Variants in CDH12 observed in about 807,000 individuals in gnomAD.
The protein encoded by CDH12 is cadherin 12.
CDH12 carries 41 observed loss-of-function variants against 74.1 expected under a neutral mutation model. The ratio of observed to expected loss-of-function variants is 0.55; its 90% CI spans 0.43 to 0.72. The LOEUF is 0.72. Among genes scored for constraint, CDH12 ranks in the 30% least tolerant of loss-of-function variants. The pLI is 0.00. For synonymous variants in CDH12, 399 were observed against 355.0 expected (o/e 1.12, Z -1.39); for missense variants, 945 against 977.2 (o/e 0.97, Z 0.44).
chr5:22,626,215 C>T (rs1317949741), intron 1 of CDH12, among the ~76,000 whole-genome samples: 1 of 152,214 alleles, frequency 6.6e-6, no homozygotes, highest in Non-Finnish European at 1.5e-5. Context: ...CTGCCCCATT[C>T]CTGCCAGTGC....
chr5:22,312,334 T>C (rs1252803181), intron 3 of CDH12, among the ~76,000 whole-genome samples: 2 of 152,202 alleles, frequency 1.3e-5, no homozygotes, highest in Non-Finnish European at 2.9e-5. Context: ...AATGTGACTT[T>C]ACAATTATCT....
intron 3 of CDH12, among the ~76,000 whole-genome samples, chr5:22,266,460 A>G (rs1206908555): frequency 6.6e-6 from 1 of 152,164 alleles, no homozygotes; most frequent in African/African-American, 2.4e-5. Flanking sequence ...AGATTCAACT[A>G]TAGATGGCAG....
chr5:22,078,402 T>C, intron 5 of CDH12, 44 bp downstream of exon 5: 1 of 1,549,536 alleles, frequency 6.5e-7, no homozygotes, highest in Non-Finnish European at 8.9e-7. Flanking sequence ...CAATGCATAT[T>C]CCCCCTTCCT....
chr5:22,820,953 A>G (rs1397718620), intron 1 of CDH12, among the ~76,000 whole-genome samples: 1 of 152,120 alleles, frequency 6.6e-6, no homozygotes, highest in Non-Finnish European at 1.5e-5. Flanking sequence ...TTAGACCAAT[A>G]CCCTTGATGA....
chr5:22,678,048 G>C (rs528460997), intron 1 of CDH12, among the ~76,000 whole-genome samples: 2,158 of 151,656 alleles, frequency 0.014, 62 homozygotes, highest in African/African-American at 0.05. Context: ...TCCTCATGGG[G>C]GGGGGGGTTA....
At chr5:21,990,669 T>C (rs1359772493) in intron 5 of CDH12, among the ~76,000 whole-genome samples, 1 of 151,962 alleles carries the variant, frequency 6.6e-6, no homozygotes, top group Non-Finnish European at 1.5e-5. Context: ...AGCTTCTATA[T>C]TTTGCCAGGC....
At chr5:22,560,126 CTT>C (rs904761503) in intron 1 of CDH12, among the ~76,000 whole-genome samples, 147 of 152,222 alleles carry the variant, frequency 9.7e-4, no homozygotes, top group African/African-American at 3.4e-3. Context: ...ATGAAGATGT[CTT>C]TAAAATGATG....
intron 2 of CDH12, among the ~76,000 whole-genome samples, chr5:22,442,499 T>C (rs1010093210): frequency 2.0e-5 from 3 of 152,314 alleles, no homozygotes; most frequent in East Asian, 1.9e-4. Flanking sequence ...TTTCCTTTTA[T>C]GTTTTTACAT....
chr5:22,816,868 C>T (rs1749420035), intron 1 of CDH12, among the ~76,000 whole-genome samples: 1 of 152,110 alleles, frequency 6.6e-6, no homozygotes. Flanking sequence ...ACCAGCATAT[C>T]TTTATGTATT....
intron 1 of CDH12, among the ~76,000 whole-genome samples, chr5:22,635,976 AATATT>A (rs1738821743): frequency 6.6e-6 from 1 of 151,952 alleles, no homozygotes; most frequent in Admixed American, 6.6e-5. Context: ...ATTATACAGT[AATATT>A]ATATAAAATT....
chr5:22,726,813 A>G (rs1744185945), intron 1 of CDH12, among the ~76,000 whole-genome samples: 1 of 151,854 alleles, frequency 6.6e-6, no homozygotes, highest in Admixed American at 6.6e-5. Flanking sequence ...TCAGACCTTC[A>G]TTATAGAAGT....
chr5:22,756,610 A>G lies in CDH12; in HGVS notation c.-523+96448T>C, dbSNP rs539642938. 6.5e-4 allele frequency among the ~76,000 whole-genome samples: 99 copies of G among 152,308 alleles called. 1 individual carries two copies. Among genetic ancestry groups the G allele is most frequent in the African/African-American group, 2.3e-3 (95 of 41,570 alleles). On this transcript the variant is annotated intron_variant, in intron 1 of 14. Coordinates refer to ENST00000382254, the MANE Select transcript of CDH12 (RefSeq NM_004061.5). ...CATAAAATGTGAAAGCCCAAGAAAT[A>G]TAAAGCAAACTCTACTACAAAGCAA...
intron 3 of CDH12, among the ~76,000 whole-genome samples, chr5:22,316,178 A>G (rs1254351267): frequency 2.6e-5 from 4 of 152,014 alleles, no homozygotes; most frequent in South Asian, 2.1e-4. Flanking sequence ...CTATTAAACT[A>G]TCTCCAATAC....
At chr5:22,535,558 A>G (rs1737809403) in intron 1 of CDH12, among the ~76,000 whole-genome samples, 1 of 152,202 alleles carries the variant, frequency 6.6e-6, no homozygotes. Flanking sequence ...TGTATTCTTA[A>G]TATTACTATT....
chr5:22,841,477 A>C (rs1737079184), intron 1 of CDH12, among the ~76,000 whole-genome samples: 1 of 152,184 alleles, frequency 6.6e-6, no homozygotes, highest in Non-Finnish European at 1.5e-5. Flanking sequence ...TGCCAAAAAA[A>C]AGTTGAGTAT....
intron 1 of CDH12, among the ~76,000 whole-genome samples, chr5:22,823,669 G>A (rs1388186045): frequency 6.6e-6 from 1 of 152,048 alleles, no homozygotes; most frequent in African/African-American, 2.4e-5. Context: ...AAGGGACCTG[G>A]CAGGAGGTGA....
chr5:22,713,607 T>C (rs939369798), intron 1 of CDH12, among the ~76,000 whole-genome samples: 1 of 152,032 alleles, frequency 6.6e-6, no homozygotes, highest in Admixed American at 6.6e-5. Context: ...CAATAAATTA[T>C]CGATTAGAGA....
At chr5:21,990,133 A>G (rs1757684808) in intron 5 of CDH12, among the ~76,000 whole-genome samples, 1 of 152,192 alleles carries the variant, frequency 6.6e-6, no homozygotes, top group African/African-American at 2.4e-5. Flanking sequence ...GAAATTAGAC[A>G]CAATCACACC....
intron 1 of CDH12, among the ~76,000 whole-genome samples, chr5:22,764,532 T>C (rs1311030642): frequency 6.6e-6 from 1 of 152,020 alleles, no homozygotes; most frequent in Non-Finnish European, 1.5e-5. Context: ...GGCAAATATA[T>C]AATGAAGAAC....
Sources: allele counts gnomAD v4.1 joint callset (sites outside exome capture counted in the v4.1 genomes callset), GRCh38; gene constraint gnomAD v4.1.1; transcripts MANE v1.5; gene names NCBI Gene and HGNC (gene_info 2026-07-23, HGNC 2026-07-21).